The following COL23A1 variants were observed in gnomAD, a reference collection of about 807,000 sequenced individuals.
COL23A1 encodes the protein collagen alpha-1(XXIII) chain.
Under a neutral mutation model 99.3 loss-of-function variants are expected in COL23A1, and 97 were observed. The observed-to-expected ratio is 0.98, with a 90% CI of 0.83 to 1.16. The LOEUF (loss-of-function observed/expected upper bound fraction) is 1.16. Among genes scored for constraint, COL23A1 ranks in the 50% most tolerant of loss-of-function variants. COL23A1 has a pLI of 0.00. For synonymous variants in COL23A1, 320 were observed against 308.2 expected, an observed-to-expected ratio of 1.04 and a Z score of -0.40; for missense variants, 762 against 757.4, an observed-to-expected ratio of 1.01 and a Z score of -0.07.
intron 2 of COL23A1, among the ~76,000 whole-genome samples, chr5:178,508,004 T>C (rs1758974173): frequency 8.2e-6 from 1 of 122,484 alleles, no homozygotes; most frequent in Non-Finnish European, 1.8e-5. Flanking sequence ...CTCCGTTCTC[T>C]CTTTTTATTT....
chr5:178,247,400 C>T (rs538945233), intron 22 of COL23A1, 126 bp downstream of exon 22: 37 of 1,075,868 alleles, frequency 3.4e-5, no homozygotes, highest in Admixed American at 2.2e-4. Flanking sequence ...GACGTTCAGG[C>T]GCTGGGAAGA....
chr5:178,320,413 T>G (rs763117639), intron 2 of COL23A1, among the ~76,000 whole-genome samples: 2 of 152,212 alleles, frequency 1.3e-5, no homozygotes, highest in African/African-American at 2.4e-5. Flanking sequence ...AGCCAGGTTG[T>G]GCACAGGTAG....
chr5:178,473,154 C>A (rs1240363151), intron 2 of COL23A1, among the ~76,000 whole-genome samples: 1 of 151,942 alleles, frequency 6.6e-6, no homozygotes, highest in Non-Finnish European at 1.5e-5. Flanking sequence ...TAATAAAAAT[C>A]ACAACACAAC....
chr5:178,399,416 A>G (rs897932903), intron 2 of COL23A1, among the ~76,000 whole-genome samples: 2 of 152,248 alleles, frequency 1.3e-5, no homozygotes, highest in Non-Finnish European at 2.9e-5. Context: ...AGCCCAGTCC[A>G]ACACTTTTAC....
intron 9 of COL23A1, among the ~76,000 whole-genome samples, chr5:178,262,828 T>C (rs1410960947): frequency 1.3e-5 from 2 of 151,892 alleles, no homozygotes; most frequent in Admixed American, 6.6e-5. Context: ...TAGAGTTGGG[T>C]TGGGAGTCAG....
chr5:178,448,478 C>T (rs1767295010), intron 2 of COL23A1, among the ~76,000 whole-genome samples: 1 of 152,172 alleles, frequency 6.6e-6, no homozygotes, highest in African/African-American at 2.4e-5. Context: ...ATACCCGAGA[C>T]TGGGTCATTT....
intron 16 of COL23A1, among the ~76,000 whole-genome samples, chr5:178,253,081 G>A (rs1581455445): frequency 6.6e-6 from 1 of 152,120 alleles, no homozygotes; most frequent in East Asian, 1.9e-4. Context: ...CCTTAGTCTC[G>A]CAGGTAGGGG....
intron 2 of COL23A1, among the ~76,000 whole-genome samples, chr5:178,383,872 CAG>C (rs2127740788): frequency 8.3e-6 from 1 of 121,114 alleles, no homozygotes; most frequent in African/African-American, 3.2e-5. Flanking sequence ...AACCTTACGA[CAG>C]AAATAGAAAA....
chr5:178,426,482 GAC>G (rs1291808082), intron 2 of COL23A1, among the ~76,000 whole-genome samples: 1 of 152,194 alleles, frequency 6.6e-6, no homozygotes, highest in African/African-American at 2.4e-5. Flanking sequence ...CCCACTGCCG[GAC>G]ACAGACCAGC....
rs567951136 is a variant in COL23A1, at chr5:178,423,566, C to T, written c.362-116647G>A. 3.3e-5 allele frequency among the ~76,000 whole-genome samples: 5 copies of T among 152,292 alleles called. No individual in the cohort carries two copies. In the South Asian group the frequency reaches 1.0e-3, roughly 32 times the overall value. ...AGGTTAGGGGCAGTAAATGCATCTTCCACCTCGGATGGGTGGATGGGGATG... is the reference window on the plus strand; with the variant it reads ...AGGTTAGGGGCAGTAAATGCATCTTTCACCTCGGATGGGTGGATGGGGATG... On this transcript the variant is annotated intron_variant, in intron 2 of 28. Coordinates refer to ENST00000390654, the MANE Select transcript of COL23A1 (RefSeq NM_173465.4).
chr5:178,579,962 C>T (rs1173677045), intron 1 of COL23A1, among the ~76,000 whole-genome samples: 2 of 152,138 alleles, frequency 1.3e-5, no homozygotes, highest in African/African-American at 4.8e-5. Flanking sequence ...CAATCGCTGC[C>T]CCTCTCTGGG....
intron 2 of COL23A1, among the ~76,000 whole-genome samples, chr5:178,504,995 G>C (rs1226062909): frequency 1.3e-5 from 2 of 152,176 alleles, no homozygotes; most frequent in Non-Finnish European, 2.9e-5. Flanking sequence ...TCCTGGGGTG[G>C]CCATAACGAA....
At chr5:178,303,472 T>C (rs1758180079) in intron 3 of COL23A1, among the ~76,000 whole-genome samples, 1 of 152,238 alleles carries the variant, frequency 6.6e-6, no homozygotes, top group South Asian at 2.1e-4. Context: ...TCTTCCCCCT[T>C]GTTTTTGCTC....
In COL23A1 at chr5:178,267,363, C is replaced by G. The variant is rs371373470; in HGVS notation, c.496-30G>C. 6.2e-6 allele frequency: 10 copies of G among 1,611,132 alleles called. No individual in the cohort carries two copies. The African/African-American group carries it at 1.2e-4, about 19-fold the overall frequency. Reference sequence around the variant, plus strand: ...GAACAAAAGACAGGGAGAGGCATCACCACTGCTTTCATCGTTTCTTCACAT... The same window carrying G: ...GAACAAAAGACAGGGAGAGGCATCAGCACTGCTTTCATCGTTTCTTCACAT... On this transcript the variant is annotated intron_variant, in intron 7 of 28. Transcript: ENST00000390654.
intron 2 of COL23A1, among the ~76,000 whole-genome samples, chr5:178,357,172 A>G (rs1330452436): frequency 6.6e-6 from 1 of 152,148 alleles, no homozygotes; most frequent in African/African-American, 2.4e-5. Flanking sequence ...CTCCCTGGTG[A>G]CCTGGGGCTT....
chr5:178,419,475 C>T (rs190158947), intron 2 of COL23A1, among the ~76,000 whole-genome samples: 184 of 152,326 alleles, frequency 1.2e-3, no homozygotes, highest in Non-Finnish European at 2.0e-3. Context: ...TGAATTATCT[C>T]CTTTAATCTG....
intron 3 of COL23A1, among the ~76,000 whole-genome samples, chr5:178,293,993 G>A (rs1300590284): frequency 6.6e-6 from 1 of 152,054 alleles, no homozygotes; most frequent in African/African-American, 2.4e-5. Context: ...AGTACTGTGG[G>A]AGAGAGGGCT....
chr5:178,546,916 G>A (rs1761612500), intron 2 of COL23A1, among the ~76,000 whole-genome samples: 1 of 152,166 alleles, frequency 6.6e-6, no homozygotes, highest in Non-Finnish European at 1.5e-5. Context: ...GCCTGTGTGA[G>A]GCCCCTGGAG....
intron 2 of COL23A1, among the ~76,000 whole-genome samples, chr5:178,523,201 T>TATAG (rs1223542330): frequency 3.5e-4 from 27 of 77,600 alleles, no homozygotes; most frequent in South Asian, 8.5e-4. Context: ...TATATATATA[T>TATAG]AGAGAGAGAG....
Sources: allele counts gnomAD v4.1 joint callset (sites outside exome capture counted in the v4.1 genomes callset), GRCh38; gene constraint gnomAD v4.1.1; transcripts MANE v1.5; gene names NCBI Gene and HGNC (gene_info 2026-07-23, HGNC 2026-07-21).